The following QTGAL variants were observed in gnomAD, a reference collection of about 807,000 sequenced individuals.
The protein encoded by QTGAL is BGnT-like protein 1.
the QTGAL span, among the ~76,000 whole-genome samples, chr17:83,036,900 C>T: frequency 6.6e-5 from 10 of 152,204 alleles, no homozygotes; most frequent in African/African-American, 2.4e-4. Flanking sequence ...CAAGGAGTAA[C>T]AAGCAGAAAT....
At chr17:82,953,946 A>T in the QTGAL span, among the ~76,000 whole-genome samples, 4 of 152,228 alleles carry the variant, frequency 2.6e-5, no homozygotes, top group African/African-American at 9.6e-5. Context: ...ATAAAATTCA[A>T]CACCCTTAGT....
chr17:83,027,907 A>G, the QTGAL span, among the ~76,000 whole-genome samples: 3 of 151,804 alleles, frequency 2.0e-5, no homozygotes, highest in East Asian at 2.0e-4. Flanking sequence ...TGAGCTCAGG[A>G]GTTCAAGACC....
chr17:83,012,619 A>T, the QTGAL span, among the ~76,000 whole-genome samples: 23 of 152,298 alleles, frequency 1.5e-4, no homozygotes, highest in African/African-American at 5.5e-4. Context: ...GCAGGGACGC[A>T]AAGGGAGCCG....
chr17:82,961,620 A>G, the QTGAL span, among the ~76,000 whole-genome samples: 1 of 152,138 alleles, frequency 6.6e-6, no homozygotes, highest in Non-Finnish European at 1.5e-5. Context: ...TGGGCAGAGG[A>G]CAGTGGTGCT....
At chr17:83,035,018 A>C in the QTGAL span, 1 of 1,576,526 alleles carries the variant, frequency 6.3e-7, no homozygotes, top group Non-Finnish European at 8.7e-7. Context: ...CATTATAAAC[A>C]AAAGAAAGTT....
the QTGAL span, among the ~76,000 whole-genome samples, chr17:82,969,232 T>C: frequency 2.6e-5 from 4 of 151,894 alleles, no homozygotes; most frequent in Non-Finnish European, 4.4e-5. Flanking sequence ...CGATCTCAGC[T>C]CACTGCAACC....
chr17:83,045,188 C>T, the QTGAL span, among the ~76,000 whole-genome samples: 28 of 152,304 alleles, frequency 1.8e-4, 1 homozygote, highest in Middle Eastern at 3.4e-3. Context: ...CAAAACTTAT[C>T]ACAAAGCTCA....
At chr17:82,945,568 A>T in the QTGAL span, 1 of 152,252 alleles carries the variant, frequency 6.6e-6, no homozygotes, top group African/African-American at 2.4e-5. Flanking sequence ...GCATAACATT[A>T]AAGAAGAGAA....
At chr17:83,010,914 T>A in the QTGAL span, among the ~76,000 whole-genome samples, 16 of 152,374 alleles carry the variant, frequency 1.1e-4, no homozygotes, top group African/African-American at 3.8e-4. Context: ...CCTCCCTGCA[T>A]GCTCCATCCC....
the QTGAL span, among the ~76,000 whole-genome samples, chr17:82,953,210 GAC>G: frequency 6.6e-6 from 1 of 151,984 alleles, no homozygotes. Context: ...AGGAGATAGA[GAC>G]ACAAAAATCC....
chr17:82,974,685 C>G, the QTGAL span, among the ~76,000 whole-genome samples: 35 of 152,164 alleles, frequency 2.3e-4, no homozygotes, highest in Admixed American at 2.3e-3. Context: ...TGTCCCTGGC[C>G]CCACATCAAG....
chr17:82,945,778 A>C, the QTGAL span: 1 of 152,212 alleles, frequency 6.6e-6, no homozygotes, highest in African/African-American at 2.4e-5. Context: ...GACACTGCCA[A>C]ATATCTTCTG....
the QTGAL span, among the ~76,000 whole-genome samples, chr17:82,946,290 C>T: frequency 6.6e-6 from 1 of 152,136 alleles, no homozygotes; most frequent in Non-Finnish European, 1.5e-5. Flanking sequence ...GGATTAAAAC[C>T]TCTGTTAATG....
At chr17:82,976,817 G>A in the QTGAL span, among the ~76,000 whole-genome samples, 1 of 29,474 alleles carries the variant, frequency 3.4e-5, no homozygotes, top group Non-Finnish European at 5.8e-5. Flanking sequence ...CCACTATGGA[G>A]AGTCAGGGCC....
At chr17:83,029,793 G>A in the QTGAL span, among the ~76,000 whole-genome samples, 11 of 152,256 alleles carry the variant, frequency 7.2e-5, no homozygotes, top group East Asian at 1.9e-4. Flanking sequence ...CAACCCTGGC[G>A]TTACCAGCAC....
At chr17:82,957,311 C>T in the QTGAL span, 3 of 1,614,024 alleles carry the variant, frequency 1.9e-6, no homozygotes, top group Admixed American at 5.0e-5. Flanking sequence ...TGCTGTGGGA[C>T]AGTACGGGGG....
At chr17:82,987,244 A>T in the QTGAL span, among the ~76,000 whole-genome samples, 26 of 152,264 alleles carry the variant, frequency 1.7e-4, no homozygotes, top group Admixed American at 1.7e-3. Flanking sequence ...ATAAAAATTT[A>T]AAAAATTCTT....
At chr17:82,955,239 A>C in the QTGAL span, among the ~76,000 whole-genome samples, 3 of 152,244 alleles carry the variant, frequency 2.0e-5, no homozygotes, top group African/African-American at 7.2e-5. Context: ...ACAAAGGTCT[A>C]ATATACAGGA....
chr17:82,995,352 A>G, the QTGAL span, among the ~76,000 whole-genome samples: 15 of 152,118 alleles, frequency 9.9e-5, no homozygotes, highest in Admixed American at 8.5e-4. Flanking sequence ...AGGATACAAA[A>G]TCAACATACA....
Sources: allele counts gnomAD v4.1 joint callset (sites outside exome capture counted in the v4.1 genomes callset), GRCh38; gene constraint gnomAD v4.1.1; transcripts MANE v1.5; gene names NCBI Gene and HGNC (gene_info 2026-07-23, HGNC 2026-07-21).